The following KRAS variants were observed in gnomAD, a reference collection of about 807,000 sequenced individuals.
The protein encoded by KRAS is GTPase KRas.
In KRAS, 1 loss-of-function variant was observed where a neutral mutation model predicts 21.0. The observed-to-expected ratio is 0.05, with a 90% CI of 0.02 to 0.23. The LOEUF (loss-of-function observed/expected upper bound fraction) is 0.23, where lower values mean the gene tolerates loss of function less well. Ranked by LOEUF, KRAS falls within the 10% of genes least tolerant of loss-of-function variation. The pLI is 1.00. For synonymous variants in KRAS, 67 were observed against 72.5 expected (o/e 0.92, Z 0.39); for missense variants, 107 against 221.8 (o/e 0.48, Z 3.29).
At chr12:25,250,607 C>T (rs1951755184) in intron 1 of KRAS, 144 bp downstream of exon 1, 1 of 170,820 alleles carries the variant, frequency 5.9e-6, no homozygotes, top group South Asian at 1.8e-4. Flanking sequence ...CCCTCTCACC[C>T]AGCCCGCCCC....
intron 4 of KRAS, among the ~76,000 whole-genome samples, chr12:25,214,735 G>A (rs4246229): frequency 0.49 from 74,888 of 151,998 alleles, 19,399 homozygotes; most frequent in East Asian, 0.8. Context: ...CACAATGAAT[G>A]ATGGCAGCAA....
Position 25,250,891 on chromosome 12 carries a change from G to GCCGCCGCTGCTGCCT in KRAS, c.-167_-153dup, listed in dbSNP as rs1400430419. The GCCGCCGCTGCTGCCT allele has an allele frequency of 4.4e-5, 11 of 247,626 alleles. No individual in the cohort carries two copies. Among genetic ancestry groups the GCCGCCGCTGCTGCCT allele is most frequent in the African/African-American group, 6.8e-5 (3 of 44,334 alleles). 15.3% of individuals were successfully genotyped at this position (247,626 alleles called of 1,614,324 possible). The stretch of plus-strand genomic sequence containing the variant: ...CGCCACCTTCGCCGCCGCCACTGCC[G>GCCGCCGCTGCTGCCT]CCGCCGCTGCTGCCTCCGCCGCCGC... On this transcript the variant is annotated 5_prime_UTR_variant, in exon 1 of 5. Coordinates refer to ENST00000311936, the MANE Select transcript of KRAS (RefSeq NM_004985.5).
intron 2 of KRAS, among the ~76,000 whole-genome samples, chr12:25,238,466 T>TAC (rs1203649659): frequency 1.3e-5 from 2 of 152,204 alleles, no homozygotes; most frequent in African/African-American, 4.8e-5. Flanking sequence ...AATCCAAGAC[T>TAC]ACATGTGAAT....
At chr12:25,219,388 T>C (rs368129289) in intron 4 of KRAS, among the ~76,000 whole-genome samples, 3 of 152,348 alleles carry the variant, frequency 2.0e-5, no homozygotes, top group Non-Finnish European at 1.5e-5. Context: ...TCAACTATTA[T>C]CTGAAAACAT....
At chr12:25,249,319 T>C (rs7954786) in intron 1 of KRAS, among the ~76,000 whole-genome samples, 29,042 of 150,716 alleles carry the variant, frequency 0.19, 2,852 homozygotes, top group Middle Eastern at 0.24. Flanking sequence ...ATTGCTTGAA[T>C]GCAGGAGGCA....
chr12:25,219,749 A>T (rs1951298652), intron 4 of KRAS, among the ~76,000 whole-genome samples: 1 of 152,214 alleles, frequency 6.6e-6, no homozygotes, highest in Admixed American at 6.5e-5. Context: ...TTGGGAGACT[A>T]CCATGGTGCA....
intron 4 of KRAS, among the ~76,000 whole-genome samples, chr12:25,216,483 C>G (rs890918401): frequency 6.6e-6 from 1 of 152,046 alleles, no homozygotes; most frequent in African/African-American, 2.4e-5. Flanking sequence ...CCATGTTGCC[C>G]GGGCTGGTCT....
chr12:25,221,422 G>A (rs919172741), intron 4 of KRAS, among the ~76,000 whole-genome samples: 5 of 151,934 alleles, frequency 3.3e-5, no homozygotes, highest in Non-Finnish European at 4.4e-5. Context: ...TAGTAGAGAC[G>A]GGGTTTCAAC....
At chr12:25,227,018 T>C (rs1951402319) in intron 3 of KRAS, among the ~76,000 whole-genome samples, 1 of 152,106 alleles carries the variant, frequency 6.6e-6, no homozygotes, top group African/African-American at 2.4e-5. Context: ...TAGGTTTCAA[T>C]CCCAGCACCA....
intron 1 of KRAS, among the ~76,000 whole-genome samples, chr12:25,247,092 A>C (rs1214849316): frequency 6.6e-6 from 1 of 152,168 alleles, no homozygotes; most frequent in African/African-American, 2.4e-5. Context: ...ATTTTTTGAA[A>C]TAATATGAAT....
At chr12:25,210,134 A>G (rs1377333389) in intron 4 of KRAS, among the ~76,000 whole-genome samples, 1 of 152,208 alleles carries the variant, frequency 6.6e-6, no homozygotes, top group Non-Finnish European at 1.5e-5. Context: ...TTCACAAAAG[A>G]CAAGGATAAC....
Position 25,205,471 on chromosome 12 carries a change from A to G in KRAS, c.*4324T>C, listed in dbSNP as rs1031718390. 4.6e-6 allele frequency: 1 copy of G among 215,606 alleles called. No homozygotes were observed. The highest frequency in any genetic ancestry group is 9.3e-6 in the Non-Finnish European group (1 of 107,008). 13.4% of individuals were successfully genotyped at this position (215,606 alleles called of 1,614,324 possible). On this transcript the variant is annotated 3_prime_UTR_variant, in exon 5 of 5. Coordinates refer to ENST00000311936, the MANE Select transcript of KRAS (RefSeq NM_004985.5). ...TGGATCACACTGCATATGTCCCACAAAAGAAAGCACAATGTACAAAATGTG... is the reference window on the plus strand; with the variant it reads ...TGGATCACACTGCATATGTCCCACAGAAGAAAGCACAATGTACAAAATGTG...
chr12:25,238,197 C>T (rs1951567218), intron 2 of KRAS, among the ~76,000 whole-genome samples: 1 of 152,020 alleles, frequency 6.6e-6, no homozygotes. Context: ...GTACTACTCC[C>T]AAGAGAAAAA....
chr12:25,211,130 T>G (rs1951196853), intron 4 of KRAS: 1 of 152,282 alleles, frequency 6.6e-6, no homozygotes, highest in South Asian at 2.1e-4. Flanking sequence ...ACACATTAAG[T>G]TGTATAAATC....
At chr12:25,249,399 T>A (rs1263443009) in intron 1 of KRAS, among the ~76,000 whole-genome samples, 3 of 147,092 alleles carry the variant, frequency 2.0e-5, no homozygotes, top group African/African-American at 5.1e-5. Flanking sequence ...GAGACCATCC[T>A]GACCAACATG....
chr12:25,232,033 AG>A lies in KRAS; in HGVS notation c.112-4622del, dbSNP rs61761155. On this transcript the variant is annotated intron_variant, in intron 2 of 4. Coordinates refer to ENST00000311936, the MANE Select transcript of KRAS (RefSeq NM_004985.5). The stretch of plus-strand genomic sequence containing the variant: ...CAGCCTCTAGTCCTACAGTTGGCCC[AG>A]GAACATCCAGGTATATGAAAAGTCA... Among the ~76,000 whole-genome samples, 795 of 152,312 alleles carry A rather than the reference AG, an allele frequency of 5.2e-3. 12 individuals carry two copies. Among genetic ancestry groups the A allele is most frequent in the African/African-American group, 0.018 (758 of 41,564 alleles).
intron 4 of KRAS, among the ~76,000 whole-genome samples, chr12:25,221,829 C>A (rs1014390760): frequency 2.6e-5 from 4 of 152,106 alleles, no homozygotes; most frequent in African/African-American, 4.8e-5. Flanking sequence ...TAAAATACAA[C>A]AAGGATATGC....
intron 2 of KRAS, among the ~76,000 whole-genome samples, chr12:25,241,866 T>C (rs1003680395): frequency 3.3e-5 from 5 of 152,178 alleles, no homozygotes; most frequent in African/African-American, 1.2e-4. Context: ...CCCTCATTGA[T>C]TACTAAAGAT....
chr12:25,235,337 T>C lies in KRAS; in HGVS notation c.112-7925A>G, dbSNP rs1337128430. On this transcript the variant is annotated intron_variant, in intron 2 of 4. Coordinates refer to ENST00000311936, the MANE Select transcript of KRAS (RefSeq NM_004985.5). ...AGAATGATGTGTTCCGCACTTTCCG[T>C]TTATAAGCCATCAAAGACGGTTGTA... The C allele has an allele frequency of 7.4e-6, 3 of 406,582 alleles. No homozygotes were observed. In the East Asian group the frequency reaches 1.0e-4, roughly 14 times the overall value. 25.2% of individuals were successfully genotyped at this position (406,582 alleles called of 1,614,324 possible).
Sources: allele counts gnomAD v4.1 joint callset (sites outside exome capture counted in the v4.1 genomes callset), GRCh38; gene constraint gnomAD v4.1.1; transcripts MANE v1.5; gene names NCBI Gene and HGNC (gene_info 2026-07-23, HGNC 2026-07-21).